The following CCBE1 variants were observed in gnomAD, a reference collection of about 807,000 sequenced individuals.
The protein encoded by CCBE1 is collagen and calcium-binding EGF domain-containing protein 1.
In CCBE1, 37 loss-of-function variants were observed where a neutral mutation model predicts 50.0. That is an observed-to-expected ratio of 0.74 (90% CI 0.57 to 0.97). CCBE1 has a LOEUF of 0.97. Ranked by LOEUF, CCBE1 falls within the 50% of genes least tolerant of loss-of-function variation. The pLI is 0.00. For missense variants in CCBE1, 538 were observed against 523.8 expected (o/e 1.03, Z -0.26); for synonymous variants, 234 against 203.7 (o/e 1.15, Z -1.27).
At chr18:59,654,341 G>A (rs1281377558) in intron 2 of CCBE1, among the ~76,000 whole-genome samples, 2 of 152,186 alleles carry the variant, frequency 1.3e-5, no homozygotes, top group Non-Finnish European at 2.9e-5. Flanking sequence ...GAAAGAACTG[G>A]GAAAAACAGC....
At chr18:59,622,581 T>C (rs1422618223) in intron 2 of CCBE1, among the ~76,000 whole-genome samples, 1 of 150,848 alleles carries the variant, frequency 6.6e-6, no homozygotes, top group Non-Finnish European at 1.5e-5. Flanking sequence ...GGCAGGTAGA[T>C]CACGAGGTCA....
chr18:59,474,975 G>A (rs950548684), intron 3 of CCBE1, among the ~76,000 whole-genome samples: 3 of 152,128 alleles, frequency 2.0e-5, no homozygotes, highest in South Asian at 4.2e-4. Flanking sequence ...TTTTGTCCTC[G>A]TGGGTTTGTC....
rs1391257199 is a variant in CCBE1, at chr18:59,591,176, G to A, written c.212+105453C>T. Among the ~76,000 whole-genome samples the A allele has an allele frequency of 3.9e-5, 2 of 51,400 alleles. 1 individual carries two copies. The highest frequency in any genetic ancestry group is 3.2e-4 in the African/African-American group (2 of 6,222). The allele number at this position is 51,400 out of a possible 152,430, so 33.7% of individuals were successfully genotyped here. A position where few individuals can be genotyped will look rare whatever the true frequency, so the allele number is the denominator to read the frequency against. On this transcript the variant is annotated intron_variant, in intron 2 of 10. Transcript: ENST00000439986. Reference sequence around the variant, plus strand: ...CAGGAGAATGGCGTGAACCCGGGGGGCGGAGCTTGCAGTGAGCCGAGATTG... The same window carrying A: ...CAGGAGAATGGCGTGAACCCGGGGGACGGAGCTTGCAGTGAGCCGAGATTG...
intron 2 of CCBE1, among the ~76,000 whole-genome samples, chr18:59,573,085 G>A (rs574260214): frequency 2.0e-5 from 3 of 151,426 alleles, no homozygotes; most frequent in South Asian, 2.1e-4. Context: ...GGAGTTCCAG[G>A]ACCAGGCAGG....
intron 2 of CCBE1, among the ~76,000 whole-genome samples, chr18:59,660,122 G>C (rs144007246): frequency 6.6e-6 from 1 of 152,178 alleles, no homozygotes; most frequent in Admixed American, 6.5e-5. Flanking sequence ...GCACCCAGCT[G>C]AGAGTGCCGA....
At chr18:59,518,636 T>C (rs1914473143) in intron 2 of CCBE1, among the ~76,000 whole-genome samples, 2 of 152,176 alleles carry the variant, frequency 1.3e-5, no homozygotes, top group Non-Finnish European at 1.5e-5. Flanking sequence ...GAAGAGTACA[T>C]GCGACACGTG....
intron 2 of CCBE1, among the ~76,000 whole-genome samples, chr18:59,613,049 A>G (rs1281881148): frequency 6.6e-6 from 1 of 152,104 alleles, no homozygotes; most frequent in Non-Finnish European, 1.5e-5. Context: ...ACAGACCTAA[A>G]GGAAACTCCT....
Position 59,469,676 on chromosome 18 carries a change from A to G in CCBE1, c.266-69T>C. ...CGGAGTAACCTGGCCCTGGCCTGGA[A>G]AGGACTTTCTGGGCTGGGCTCTGCT... On this transcript the variant is annotated intron_variant, in intron 3 of 10. Transcript: ENST00000439986. The G allele has an allele frequency of 2.5e-6, 4 of 1,604,752 alleles. No homozygotes were observed. The Admixed American group carries it at 5.0e-5, about 20-fold the overall frequency.
intron 2 of CCBE1, among the ~76,000 whole-genome samples, chr18:59,480,859 C>T (rs1912538575): frequency 6.6e-6 from 1 of 151,938 alleles, no homozygotes; most frequent in African/African-American, 2.4e-5. Context: ...ATATTCAATA[C>T]TTACTCCACT....
chr18:59,632,510 G>C (rs1318793122), intron 2 of CCBE1, among the ~76,000 whole-genome samples: 1 of 152,154 alleles, frequency 6.6e-6, no homozygotes, highest in Non-Finnish European at 1.5e-5. Context: ...GTGGCCTCAG[G>C]TCATCTACCT....
At chr18:59,484,726 C>A (rs888341068) in intron 2 of CCBE1, among the ~76,000 whole-genome samples, 27 of 152,166 alleles carry the variant, frequency 1.8e-4, no homozygotes, top group African/African-American at 6.5e-4. Flanking sequence ...ATAACTGACC[C>A]CAGCTGTCTG....
chr18:59,607,609 C>G (rs2053515908), intron 2 of CCBE1, among the ~76,000 whole-genome samples: 1 of 152,176 alleles, frequency 6.6e-6, no homozygotes, highest in South Asian at 2.1e-4. Context: ...CCTTCAGCTA[C>G]TCTCGGCAGC....
At chr18:59,618,028 G>A (rs2053659874) in intron 2 of CCBE1, among the ~76,000 whole-genome samples, 1 of 152,150 alleles carries the variant, frequency 6.6e-6, no homozygotes, top group Non-Finnish European at 1.5e-5. Context: ...AGTAATTTAA[G>A]ACTTTGGAAA....
chr18:59,674,915 C>T (rs1204142803), intron 2 of CCBE1, among the ~76,000 whole-genome samples: 2 of 151,952 alleles, frequency 1.3e-5, no homozygotes. Flanking sequence ...GCTGTAAAAC[C>T]TAAACAATTC....
chr18:59,457,181 TGC>T (rs1387348822), intron 5 of CCBE1, among the ~76,000 whole-genome samples: 2 of 152,224 alleles, frequency 1.3e-5, no homozygotes, highest in East Asian at 3.8e-4. Flanking sequence ...TGTTAATGCC[TGC>T]TTTCTAGGCG....
intron 2 of CCBE1, among the ~76,000 whole-genome samples, chr18:59,544,643 G>A (rs1324876425): frequency 6.6e-6 from 1 of 152,228 alleles, no homozygotes; most frequent in Non-Finnish European, 1.5e-5. Flanking sequence ...AGTTAGTAAC[G>A]TTGTCTTTCT....
Position 59,587,330 on chromosome 18 carries a change from G to T in CCBE1, c.213-107092C>A, listed in dbSNP as rs575459424. Among the ~76,000 whole-genome samples, 127 of 152,302 alleles carry T rather than the reference G, an allele frequency of 8.3e-4. 1 individual carries two copies. Among genetic ancestry groups the T allele is most frequent in the Non-Finnish European group, 1.5e-5 (1 of 68,024 alleles). On this transcript the variant is annotated intron_variant, in intron 2 of 10. Coordinates refer to ENST00000439986, the MANE Select transcript of CCBE1 (RefSeq NM_133459.4). ...TTGGGTTTATTTCAGGAATGGAAGT[G>T]TAACACTGAAAACAATAAAAAGGAC...
At chr18:59,666,998 G>T (rs1246506383) in intron 2 of CCBE1, among the ~76,000 whole-genome samples, 1 of 152,120 alleles carries the variant, frequency 6.6e-6, no homozygotes, top group Non-Finnish European at 1.5e-5. Context: ...AAGAGGCCAG[G>T]CTCAGTGGTT....
chr18:59,520,540 A>T (rs938278322), intron 2 of CCBE1, among the ~76,000 whole-genome samples: 1 of 152,242 alleles, frequency 6.6e-6, no homozygotes, highest in African/African-American at 2.4e-5. Flanking sequence ...TTGCATGGTG[A>T]ACTTTTCAAA....
Sources: allele counts gnomAD v4.1 joint callset (sites outside exome capture counted in the v4.1 genomes callset), GRCh38; gene constraint gnomAD v4.1.1; transcripts MANE v1.5; gene names NCBI Gene and HGNC (gene_info 2026-07-23, HGNC 2026-07-21).